The following SLC26A4 variants were observed in gnomAD, a reference collection of about 807,000 sequenced individuals.
The protein encoded by SLC26A4 is pendrin.
A neutral mutation model predicts 90.4 loss-of-function variants in SLC26A4; 93 were observed. The ratio of observed to expected loss-of-function variants is 1.03; its 90% CI spans 0.87 to 1.22. SLC26A4 has a LOEUF of 1.22. SLC26A4 is among the 50% of genes most tolerant of loss of function. The pLI is 0.00. For missense variants in SLC26A4, 1,127 were observed against 946.2 expected (o/e 1.19, Z -2.51); for synonymous variants, 393 against 354.6 (o/e 1.11, Z -1.22).
rs187339825 is a variant in SLC26A4 at position 107,715,801 on chromosome 7, G to A, written c.*355G>A. The A allele has an allele frequency of 5.0e-4, 153 of 303,042 alleles. No homozygotes were observed. Among genetic ancestry groups the A allele is most frequent in the African/African-American group, 2.9e-3 (140 of 47,838 alleles). 18.8% of individuals were successfully genotyped at this position (303,042 alleles called of 1,614,324 possible). A position where few individuals can be genotyped will look rare whatever the true frequency, so the allele number is the denominator to read the frequency against. On this transcript the variant is annotated 3_prime_UTR_variant, in exon 21 of 21. Transcript: ENST00000644269. ...CTCTGTGGTCAAGCGAGTCACGAAT[G>A]ATTAATCATAAAGAAAAATCAGTTT... is the stretch of plus-strand genomic sequence containing the variant.
chr7:107,675,124 T>C lies in SLC26A4; in HGVS notation c.765+15T>C. 3.1e-6 allele frequency: 5 copies of C among 1,612,196 alleles called. No homozygotes were observed. The highest frequency in any genetic ancestry group is 4.2e-6 in the Non-Finnish European group (5 of 1,178,760). ...CTATTATCTATGTAAGTGTTGCTTC[T>C]TGCTCCAGGGATGGGTCACTGTTCA... On this transcript the variant is annotated intron_variant, in intron 6 of 20. Coordinates refer to ENST00000644269, the MANE Select transcript of SLC26A4 (RefSeq NM_000441.2).
At position 107,696,010 on chromosome 7, in the gene SLC26A4, A is replaced by G; in HGVS notation, c.1515A>G (p.Gly505=). 6.2e-7 allele frequency: 1 copy of G among 1,609,880 alleles called. No individual in the cohort carries two copies. Among genetic ancestry groups the G allele is most frequent in the Non-Finnish European group, 8.5e-7 (1 of 1,176,356 alleles). ...DLGLLAGLIF[G]LLTVVLRVQF... is the part of the protein sequence containing the mutation. ...GTTTACTAGCTGGCCTTATATTTGGACTGTTGACTGTGGTCCTGAGAGTTC... is the reference window on the plus strand; with the variant it reads ...GTTTACTAGCTGGCCTTATATTTGGGCTGTTGACTGTGGTCCTGAGAGTTC... The change falls in exon 13 of 21, where the codon GGA becomes GGG. Residue 505 remains glycine (G), a synonymous_variant. Coordinates refer to ENST00000644269, the MANE Select transcript of SLC26A4 (RefSeq NM_000441.2).
intron 18 of SLC26A4, among the ~76,000 whole-genome samples, chr7:107,707,928 G>A (rs1404155625): frequency 1.3e-5 from 2 of 152,208 alleles, no homozygotes; most frequent in East Asian, 3.9e-4. Context: ...GATCAAAATC[G>A]GATCATAGGT....
In SLC26A4 at chr7:107,712,520, C is replaced by T. The variant is rs766963525; in HGVS notation, c.2236-19C>T. 3.1e-6 allele frequency: 4 copies of T among 1,299,092 alleles called. No homozygotes were observed. The East Asian group carries it at 6.9e-5, about 22-fold the overall frequency. The allele number at this position is 1,299,092 out of a possible 1,614,324, so 80.5% of individuals were successfully genotyped here. ...GGGTTGATGCTATTCTATTTCTACC[C>T]TGTGTTCTCTTTTTCAAGATCACTC... is the stretch of plus-strand genomic sequence containing the variant. On this transcript the variant is annotated intron_variant, in intron 19 of 20. Transcript: ENST00000644269.
In SLC26A4 at chr7:107,694,726, C is replaced by T; in HGVS notation, c.1437+10C>T. 1 of 1,548,768 alleles carries T rather than the reference C, an allele frequency of 6.5e-7. No homozygotes were observed. The highest frequency in any genetic ancestry group is 8.9e-7 in the Non-Finnish European group (1 of 1,120,502). On this transcript the variant is annotated intron_variant, in intron 12 of 20. Coordinates refer to ENST00000644269, the MANE Select transcript of SLC26A4 (RefSeq NM_000441.2). ...GAATAAGATTGATGCTGTAAGTCACCTACCACCTATATTTATCTGAAATAA... is the reference window on the plus strand; with the variant it reads ...GAATAAGATTGATGCTGTAAGTCACTTACCACCTATATTTATCTGAAATAA...
rs534423993 is a variant in SLC26A4, at chr7:107,682,917, G to A, written c.766-285G>A. Among the ~76,000 whole-genome samples the A allele has an allele frequency of 1.2e-4, 18 of 152,120 alleles. No individual in the cohort carries two copies. In the South Asian group the frequency reaches 3.3e-3, roughly 28 times the overall value. ...TTATTATCATAAAAAATACAGAGAA[G>A]CAAAAATAAGAATGTAGAAATCACC... On this transcript the variant is annotated intron_variant, in intron 6 of 20. Coordinates refer to ENST00000644269, the MANE Select transcript of SLC26A4 (RefSeq NM_000441.2).
chr7:107,703,864 C>T (rs1166456990), intron 17 of SLC26A4, among the ~76,000 whole-genome samples: 2 of 152,106 alleles, frequency 1.3e-5, no homozygotes, highest in Non-Finnish European at 2.9e-5. Flanking sequence ...TATTTAGATC[C>T]TATATACCCC....
At chr7:107,707,700 A>G (rs1792070339) in intron 18 of SLC26A4, among the ~76,000 whole-genome samples, 1 of 152,234 alleles carries the variant, frequency 6.6e-6, no homozygotes, top group Admixed American at 6.5e-5. Flanking sequence ...ATCTATAAAA[A>G]TATAGCACAA....
intron 17 of SLC26A4, 111 bp from the exon 18 acceptor site, chr7:107,704,220 C>T (rs897437355): frequency 1.5e-6 from 1 of 670,154 alleles, no homozygotes; most frequent in Non-Finnish European, 2.8e-6. Flanking sequence ...CCTTAAAGTC[C>T]TGATTAACCA....
At position 107,674,981 on chromosome 7, in the gene SLC26A4, A is replaced by T. The variant is rs1193104111; in HGVS notation, c.637A>T (p.Arg213Trp). Residue 213 changes from arginine (R) to tryptophan (W), a missense_variant, in exon 6 of 21, where the codon AGG becomes TGG. Transcript: ENST00000644269. Reference protein sequence around the residue: ...FGGLQIGFIVRYLADPLVGGF... With the variant: ...FGGLQIGFIVWYLADPLVGGF... ...TGGCTTGCAGATTGGATTCATAGTG[A>T]GGTACTTGGCAGATCCTTTGGTTGG... The T allele has an allele frequency of 1.2e-6, 2 of 1,613,878 alleles. No homozygotes were observed. The highest frequency in any genetic ancestry group is 1.7e-6 in the Non-Finnish European group (2 of 1,179,978).
intron 6 of SLC26A4, among the ~76,000 whole-genome samples, chr7:107,681,991 T>C (rs892012337): frequency 2.1e-5 from 3 of 144,682 alleles, no homozygotes; most frequent in Admixed American, 1.5e-4. Context: ...CTACAATAAA[T>C]AAAATAAATA....
intron 4 of SLC26A4, among the ~76,000 whole-genome samples, chr7:107,673,094 T>A (rs1790919024): frequency 6.6e-6 from 1 of 152,190 alleles, no homozygotes; most frequent in African/African-American, 2.4e-5. Flanking sequence ...TCAATCAGTG[T>A]TGAGTGCTTG....
At chr7:107,683,831 A>T (rs1187594564) in intron 8 of SLC26A4, among the ~76,000 whole-genome samples, 1 of 152,214 alleles carries the variant, frequency 6.6e-6, no homozygotes, top group Non-Finnish European at 1.5e-5. Context: ...TAACATTATA[A>T]TATAATATAA....
intron 20 of SLC26A4, among the ~76,000 whole-genome samples, chr7:107,714,614 A>G (rs2129320831): frequency 6.6e-6 from 1 of 152,264 alleles, no homozygotes; most frequent in East Asian, 1.9e-4. Flanking sequence ...TAGGATATTT[A>G]TTGGTTGCCA....
chr7:107,715,066 T>TAAAAAAA (rs543905042), intron 20 of SLC26A4, among the ~76,000 whole-genome samples: 1 of 98,678 alleles, frequency 1.0e-5, no homozygotes, highest in Non-Finnish European at 2.1e-5. Context: ...CCATCTCTAC[T>TAAAAAAA]AAAAAAAAAA....
intron 10 of SLC26A4, among the ~76,000 whole-genome samples, chr7:107,692,713 A>T (rs376808904): frequency 3.3e-4 from 51 of 152,322 alleles, no homozygotes; most frequent in African/African-American, 1.2e-3. Context: ...GACTCACAGA[A>T]AAGTAATTCT....
intron 6 of SLC26A4, among the ~76,000 whole-genome samples, chr7:107,676,682 G>C (rs1017464997): frequency 3.3e-5 from 5 of 152,138 alleles, no homozygotes; most frequent in African/African-American, 9.7e-5. Context: ...CCACCTATTA[G>C]CTTCTAAAAC....
intron 4 of SLC26A4, among the ~76,000 whole-genome samples, chr7:107,673,126 C>A (rs932346951): frequency 1.3e-5 from 2 of 152,058 alleles, no homozygotes; most frequent in Non-Finnish European, 2.9e-5. Flanking sequence ...AACATGGAAG[C>A]TGGTTTTTCT....
rs778626102 is a variant in SLC26A4 at position 107,675,218 on chromosome 7, C to A, written c.765+109C>A. The A allele has an allele frequency of 1.6e-4, 173 of 1,083,780 alleles. 1 individual carries two copies. Among genetic ancestry groups the A allele is most frequent in the Middle Eastern group, 8.5e-4 (3 of 3,514 alleles). The allele number at this position is 1,083,780 out of a possible 1,614,324, so 67.1% of individuals were successfully genotyped here. The stretch of plus-strand genomic sequence containing the variant: ...TGGTGGCTCACACCTGTAATCCCAG[C>A]ACTTTGGAAGGCCGAGGTGGGCAGA... On this transcript the variant is annotated intron_variant, in intron 6 of 20. Coordinates refer to ENST00000644269, the MANE Select transcript of SLC26A4 (RefSeq NM_000441.2).
Sources: allele counts gnomAD v4.1 joint callset (sites outside exome capture counted in the v4.1 genomes callset), GRCh38; gene constraint gnomAD v4.1.1; transcripts MANE v1.5; gene names NCBI Gene and HGNC (gene_info 2026-07-23, HGNC 2026-07-21).